Variants in ABHD13 observed in about 807,000 individuals in gnomAD.
The protein encoded by ABHD13 is abhydrolase domain containing 13.
A neutral mutation model predicts 25.2 loss-of-function variants in ABHD13; 7 were observed. That is an observed-to-expected ratio of 0.28 (90% CI 0.16 to 0.52). The LOEUF (loss-of-function observed/expected upper bound fraction) is 0.52, where lower values mean the gene tolerates loss of function less well. ABHD13 is among the 20% of genes least tolerant of loss of function. The pLI is 0.96. For synonymous variants in ABHD13, 133 were observed against 136.1 expected, an observed-to-expected ratio of 0.98 and a Z score of 0.16; for missense variants, 302 against 402.7, an observed-to-expected ratio of 0.75 and a Z score of 2.14.
At chr13:108,228,467 T>C (rs1335906432) in intron 1 of ABHD13, among the ~76,000 whole-genome samples, 1 of 152,026 alleles carries the variant, frequency 6.6e-6, no homozygotes. Context: ...ATATGAAAGA[T>C]AAATCATTAA....
intron 1 of ABHD13, among the ~76,000 whole-genome samples, chr13:108,220,176 A>G (rs1391842490): frequency 6.6e-6 from 1 of 152,194 alleles, no homozygotes; most frequent in African/African-American, 2.4e-5. Flanking sequence ...CCATGACTCA[A>G]AACACTGTCT....
At chr13:108,226,318 G>A (rs1374805141) in intron 1 of ABHD13, among the ~76,000 whole-genome samples, 1 of 152,116 alleles carries the variant, frequency 6.6e-6, no homozygotes, top group Admixed American at 6.5e-5. Context: ...TGTGAGTATA[G>A]CATCCAGGAC....
intron 1 of ABHD13, among the ~76,000 whole-genome samples, chr13:108,221,430 G>A (rs894096340): frequency 1.3e-5 from 2 of 152,174 alleles, no homozygotes; most frequent in Admixed American, 6.5e-5. Context: ...CTTCACATGT[G>A]ATTGGAAGCT....
At chr13:108,220,774 C>T (rs1325360107) in intron 1 of ABHD13, among the ~76,000 whole-genome samples, 1 of 152,178 alleles carries the variant, frequency 6.6e-6, no homozygotes, top group Non-Finnish European at 1.5e-5. Flanking sequence ...TCTAGTTGTA[C>T]TTACTTTCAC....
intron 1 of ABHD13, among the ~76,000 whole-genome samples, chr13:108,218,905 A>G (rs537637215): frequency 3.9e-5 from 6 of 152,150 alleles, no homozygotes; most frequent in South Asian, 2.1e-4. Context: ...ACCACTCACC[A>G]GGGGAAGCAA....
In ABHD13 at chr13:108,230,248, T is replaced by C; in HGVS notation, c.*16T>C. The C allele has an allele frequency of 6.5e-7, 1 of 1,536,230 alleles. No homozygotes were observed. Among genetic ancestry groups the C allele is most frequent in the South Asian group, 1.2e-5 (1 of 80,760 alleles). On this transcript the variant is annotated 3_prime_UTR_variant, in exon 2 of 2. Coordinates refer to ENST00000375898, the MANE Select transcript of ABHD13 (RefSeq NM_032859.3). ...AATTATATAATGTTTCCCTTTTTGA[T>C]TATTGCATTGTATTTTAATTTGTGC...
In ABHD13 at chr13:108,230,313, C is replaced by A; in HGVS notation, c.*81C>A. The A allele has an allele frequency of 8.4e-7, 1 of 1,185,206 alleles. No homozygotes were observed. The highest frequency in any genetic ancestry group is 1.2e-6 in the Non-Finnish European group (1 of 860,570). The allele number at this position is 1,185,206 out of a possible 1,614,324, so 73.4% of individuals were successfully genotyped here. Reference sequence around the variant, plus strand: ...TGTTCCTTTTAGAAGTGTGTTATGTCTGTACCTGTCTGAAGAGTGACATTA... The same window carrying A: ...TGTTCCTTTTAGAAGTGTGTTATGTATGTACCTGTCTGAAGAGTGACATTA... On this transcript the variant is annotated 3_prime_UTR_variant, in exon 2 of 2. Transcript: ENST00000375898.
At chr13:108,219,039 A>G (rs1879473105) in intron 1 of ABHD13, among the ~76,000 whole-genome samples, 1 of 152,092 alleles carries the variant, frequency 6.6e-6, no homozygotes, top group African/African-American at 2.4e-5. Context: ...ATTTCCAGTA[A>G]TGTGTACAAA....
chr13:108,226,375 C>G (rs1046502437), intron 1 of ABHD13, among the ~76,000 whole-genome samples: 12 of 152,108 alleles, frequency 7.9e-5, no homozygotes, highest in Non-Finnish European at 1.5e-4. Flanking sequence ...TTCAGAAAAG[C>G]CCCTGTTTAT....
In ABHD13 at chr13:108,233,167, A is replaced by T. The variant is rs953979847; in HGVS notation, c.*2935A>T. ...ACCTGTAGACACTTGATATTTACAT[A>T]GATTACAGCTTTGGTAATATGTCAC... On this transcript the variant is annotated 3_prime_UTR_variant, in exon 2 of 2. Coordinates refer to ENST00000375898, the MANE Select transcript of ABHD13 (RefSeq NM_032859.3). 3 of 166,862 alleles carry T rather than the reference A, an allele frequency of 1.8e-5. No individual in the cohort carries two copies. Among genetic ancestry groups the T allele is most frequent in the African/African-American group, 7.2e-5 (3 of 41,452 alleles). 10.3% of individuals were successfully genotyped at this position (166,862 alleles called of 1,614,324 possible). A position where few individuals can be genotyped will look rare whatever the true frequency, so the allele number is the denominator to read the frequency against.
rs367972536 is a variant in ABHD13, at chr13:108,221,396, A to G, written c.-21+2737A>G. 7.9e-5 allele frequency among the ~76,000 whole-genome samples: 12 copies of G among 152,346 alleles called. No homozygotes were observed. In the South Asian group the frequency reaches 2.5e-3, roughly 32 times the overall value. ...GAAGAGGAGAGAGATTGATATAAGAATACTGAATCTGAGTTCCACATTACT... is the reference window on the plus strand; with the variant it reads ...GAAGAGGAGAGAGATTGATATAAGAGTACTGAATCTGAGTTCCACATTACT... On this transcript the variant is annotated intron_variant, in intron 1 of 1. Coordinates refer to ENST00000375898, the MANE Select transcript of ABHD13 (RefSeq NM_032859.3).
chr13:108,220,443 C>T (rs1166246850), intron 1 of ABHD13, among the ~76,000 whole-genome samples: 1 of 152,162 alleles, frequency 6.6e-6, no homozygotes. Flanking sequence ...GAATCTATTT[C>T]TGTTTCTCTG....
At position 108,230,370 on chromosome 13, in the gene ABHD13, AT is replaced by A; in HGVS notation, c.*139del. On this transcript the variant is annotated 3_prime_UTR_variant, in exon 2 of 2. Transcript: ENST00000375898. Reference sequence around the variant, plus strand: ...GAAAGGACTTCACTGCTCCTTTACGATATTCCAAATAGTTTTTTACATTGGA... The same window carrying A: ...GAAAGGACTTCACTGCTCCTTTACGAATTCCAAATAGTTTTTTACATTGGA... 1.4e-6 allele frequency: 1 copy of A among 689,992 alleles called. No individual in the cohort carries two copies. Among genetic ancestry groups the A allele is most frequent in the Non-Finnish European group, 2.3e-6 (1 of 428,876 alleles). The allele number at this position is 689,992 out of a possible 1,614,324, so 42.7% of individuals were successfully genotyped here.
intron 1 of ABHD13, among the ~76,000 whole-genome samples, chr13:108,219,128 C>T (rs1009621033): frequency 6.6e-6 from 1 of 152,028 alleles, no homozygotes; most frequent in African/African-American, 2.4e-5. Flanking sequence ...ATAATTCCAG[C>T]TACTAGGTTG....
intron 1 of ABHD13, among the ~76,000 whole-genome samples, chr13:108,220,585 T>G (rs1879546813): frequency 6.6e-6 from 1 of 152,224 alleles, no homozygotes; most frequent in Non-Finnish European, 1.5e-5. Flanking sequence ...GTAAGATATT[T>G]TTCCTCAAAT....
chr13:108,230,016 C>T lies in ABHD13; in HGVS notation c.798C>T (p.Leu266=), dbSNP rs766355428. The T allele has an allele frequency of 3.1e-6, 5 of 1,613,090 alleles. No homozygotes were observed. The African/African-American group carries it at 5.3e-5, about 17-fold the overall frequency. ...TGCCTTCACTTTTCATCTCTGGACT[C>T]TCAGATCAATTAATTCCACCAGTAA... ...CRMPSLFISG[L]SDQLIPPVMM... The change falls in exon 2 of 2, where the codon CTC becomes CTT. Residue 266 remains leucine, a synonymous_variant. Transcript: ENST00000375898.
chr13:108,223,866 T>C (rs891460797), intron 1 of ABHD13, among the ~76,000 whole-genome samples: 1 of 152,214 alleles, frequency 6.6e-6, no homozygotes, highest in African/African-American at 2.4e-5. Context: ...TCCTCTATGC[T>C]ATCCTTGCCA....
rs1377707598 is a variant in ABHD13 at position 108,229,172 on chromosome 13, A to G, written c.-20-27A>G. On this transcript the variant is annotated intron_variant, in intron 1 of 1. Transcript: ENST00000375898. This position sits in a 1 kb window ranked among gnomAD's most constrained non-coding sequence, Gnocchi z 4.7. ...TAAAAGAATAGATAGACGTTGAATT[A>G]TTGATATTCTCCCTCTCTCTCTCTA... The G allele has an allele frequency of 2.1e-6, 3 of 1,453,790 alleles. No individual in the cohort carries two copies. The East Asian group carries it at 6.9e-5, about 34-fold the overall frequency. 90.1% of individuals were successfully genotyped at this position (1,453,790 alleles called of 1,614,324 possible).
intron 1 of ABHD13, among the ~76,000 whole-genome samples, chr13:108,225,318 A>G (rs917424317): frequency 6.6e-6 from 1 of 152,190 alleles, no homozygotes; most frequent in Non-Finnish European, 1.5e-5. Flanking sequence ...GTAGATTGGG[A>G]ATAATTCATA....
Sources: gnomAD v4.1 joint callset for allele counts (sites outside exome capture counted in the v4.1 genomes callset) on GRCh38, gnomAD v4.1.1 for gene constraint, Gnocchi (gnomAD v3.1) non-coding constraint, MANE v1.5 for transcripts, NCBI Gene and HGNC (gene_info 2026-07-23, HGNC 2026-07-21) for gene names.